SCMH1: variants seen among roughly 807,000 people sequenced by gnomAD.
SCMH1 encodes the protein Scm polycomb group protein homolog 1.
A neutral mutation model predicts 70.8 loss-of-function variants in SCMH1; 37 were observed. The ratio of observed to expected loss-of-function variants is 0.52; its 90% CI spans 0.40 to 0.69. The LOEUF (loss-of-function observed/expected upper bound fraction) is 0.69, where lower values mean the gene tolerates loss of function less well. Among genes scored for constraint, SCMH1 ranks in the 30% least tolerant of loss-of-function variants. The probability of loss-of-function intolerance (pLI) is 0.00; values close to 1 mark genes in which losing one functional copy is unlikely to be tolerated. For synonymous variants in SCMH1, 292 were observed against 307.4 expected, an observed-to-expected ratio of 0.95 and a Z score of 0.52; for missense variants, 607 against 827.3, an observed-to-expected ratio of 0.73 and a Z score of 3.27.
At chr1:41,193,531 G>T (rs552984341) in intron 1 of SCMH1, among the ~76,000 whole-genome samples, 11 of 152,198 alleles carry the variant, frequency 7.2e-5, no homozygotes, top group South Asian at 4.1e-4. Context: ...GGTTGGGGGG[G>T]GGTTGAGGAA....
chr1:41,206,413 A>G (rs1655550090), intron 1 of SCMH1, among the ~76,000 whole-genome samples: 1 of 152,256 alleles, frequency 6.6e-6, no homozygotes, highest in Non-Finnish European at 1.5e-5. Context: ...AAGCTTCAGT[A>G]GCCGATTTGA....
intron 8 of SCMH1, among the ~76,000 whole-genome samples, chr1:41,085,174 GAA>G (rs1326128063): frequency 1.3e-5 from 2 of 151,290 alleles, no homozygotes; most frequent in African/African-American, 4.8e-5. Flanking sequence ...AGCAAAAAAA[GAA>G]AAAGAGTTAA....
chr1:41,201,794 T>G (rs1329293888), intron 1 of SCMH1, among the ~76,000 whole-genome samples: 1 of 152,166 alleles, frequency 6.6e-6, no homozygotes, highest in Non-Finnish European at 1.5e-5. Flanking sequence ...TCATTGATTT[T>G]TTTAAAAAAA....
At chr1:41,236,094 T>A (rs1042486192) in intron 1 of SCMH1, among the ~76,000 whole-genome samples, 1 of 152,212 alleles carries the variant, frequency 6.6e-6, no homozygotes, top group Non-Finnish European at 1.5e-5. Context: ...CCAAAGGGTA[T>A]ATACCTAGGA....
At chr1:41,206,624 T>C (rs1421930333) in intron 1 of SCMH1, among the ~76,000 whole-genome samples, 2 of 152,212 alleles carry the variant, frequency 1.3e-5, no homozygotes, top group African/African-American at 2.4e-5. Context: ...CTCTTCAGGA[T>C]ATTATCCAGG....
intron 8 of SCMH1, among the ~76,000 whole-genome samples, chr1:41,075,670 A>T (rs1349270302): frequency 6.6e-6 from 1 of 152,194 alleles, no homozygotes; most frequent in East Asian, 1.9e-4. Flanking sequence ...TGCAGAAAAA[A>T]TATTAAATTT....
At chr1:41,225,797 C>A (rs1051476172) in intron 1 of SCMH1, among the ~76,000 whole-genome samples, 1 of 152,178 alleles carries the variant, frequency 6.6e-6, no homozygotes, top group African/African-American at 2.4e-5. Context: ...ACTGAACTAG[C>A]AAACTGGGCT....
At chr1:41,029,596 T>G (rs751890676) in intron 13 of SCMH1, among the ~76,000 whole-genome samples, 14 of 152,236 alleles carry the variant, frequency 9.2e-5, no homozygotes, top group Non-Finnish European at 1.9e-4. Context: ...TAACGCCTCC[T>G]GTTTCCCCTG....
At chr1:41,114,646 T>C (rs1208708673) in intron 7 of SCMH1, among the ~76,000 whole-genome samples, 1 of 143,316 alleles carries the variant, frequency 7.0e-6, no homozygotes, top group African/African-American at 2.7e-5. Context: ...TCTTTTCCAC[T>C]TGTTAAGATT....
At chr1:41,142,016 A>G (rs947509865) in intron 6 of SCMH1, among the ~76,000 whole-genome samples, 3 of 152,320 alleles carry the variant, frequency 2.0e-5, no homozygotes, top group African/African-American at 7.2e-5. Context: ...GTGGGGACAG[A>G]AAGTGTATAC....
At chr1:41,198,415 G>C (rs1485985770) in intron 1 of SCMH1, among the ~76,000 whole-genome samples, 1 of 152,214 alleles carries the variant, frequency 6.6e-6, no homozygotes, top group African/African-American at 2.4e-5. Flanking sequence ...TCCACCCTCT[G>C]TGAGGGCAGA....
At position 41,075,236 on chromosome 1, in the gene SCMH1, G is replaced by C. The variant is rs762799404; in HGVS notation, c.961C>G (p.Pro321Ala). 101 of 1,613,948 alleles carry C rather than the reference G, an allele frequency of 6.3e-5. No individual in the cohort carries two copies. The highest frequency in any genetic ancestry group is 8.5e-5 in the Non-Finnish European group (100 of 1,180,002). Residue 321 changes from proline (P) to alanine (A), a missense_variant, in exon 9 of 15, where the codon CCC becomes GCC. By Grantham distance (27) the Pro-to-Ala change is conservative. Coordinates refer to ENST00000337495, the Ensembl canonical transcript of SCMH1. ...TTACCTACCTTGCTGCCAGGTTTGG[G>C]ACCTCTCTTCTTTGGGAATTTCAAA...
At chr1:41,129,179 C>G (rs1673975465) in intron 6 of SCMH1, among the ~76,000 whole-genome samples, 1 of 151,964 alleles carries the variant, frequency 6.6e-6, no homozygotes, top group African/African-American at 2.4e-5. Flanking sequence ...TGTTTGCATG[C>G]CTGGTAATTT....
intron 1 of SCMH1, among the ~76,000 whole-genome samples, chr1:41,241,273 G>A (rs1022710283): frequency 6.6e-6 from 1 of 152,202 alleles, no homozygotes; most frequent in Non-Finnish European, 1.5e-5. Flanking sequence ...GAGATATTCC[G>A]GGGTTCACCC....
chr1:41,135,932 C>G (rs1376612259), intron 6 of SCMH1, among the ~76,000 whole-genome samples: 1 of 150,944 alleles, frequency 6.6e-6, no homozygotes, highest in Admixed American at 6.6e-5. Context: ...TCCTTGAAAA[C>G]TTTTGTATAT....
chr1:41,040,374 G>A (rs1645968168), intron 12 of SCMH1, among the ~76,000 whole-genome samples: 1 of 152,192 alleles, frequency 6.6e-6, no homozygotes, highest in African/African-American at 2.4e-5. Context: ...GATGATCAGA[G>A]TGGTGGTGAG....
intron 1 of SCMH1, among the ~76,000 whole-genome samples, chr1:41,212,880 G>GA (rs563289474): frequency 1.0e-4 from 15 of 149,584 alleles, no homozygotes; most frequent in Admixed American, 2.0e-4. Context: ...TGTCTGGAGG[G>GA]AAAAAAAAAG....
chr1:41,130,987 G>A (rs1157860562), intron 6 of SCMH1, among the ~76,000 whole-genome samples: 1 of 152,038 alleles, frequency 6.6e-6, no homozygotes, highest in Admixed American at 6.6e-5. Flanking sequence ...CTAATCCAAG[G>A]TCATGAAGAT....
At chr1:41,082,436 CA>C (rs1660307326) in intron 8 of SCMH1, among the ~76,000 whole-genome samples, 1 of 152,158 alleles carries the variant, frequency 6.6e-6, no homozygotes, top group Admixed American at 6.6e-5. Context: ...AAAGAATTTT[CA>C]ACCCAGGATT....
Sources: allele counts gnomAD v4.1 joint callset (sites outside exome capture counted in the v4.1 genomes callset), GRCh38; gene constraint gnomAD v4.1.1; transcripts MANE v1.5; gene names NCBI Gene and HGNC (gene_info 2026-07-23, HGNC 2026-07-21).